The following FGF10 variants were observed in gnomAD, a reference collection of about 807,000 sequenced individuals.
FGF10 encodes fibroblast growth factor 10.
In FGF10, 2 loss-of-function variants were observed where a neutral mutation model predicts 19.8. The observed-to-expected ratio is 0.10, with a 90% CI of 0.04 to 0.32. The LOEUF (loss-of-function observed/expected upper bound fraction) is 0.32, where lower values mean the gene tolerates loss of function less well. Ranked by LOEUF, FGF10 falls within the 10% of genes least tolerant of loss-of-function variation. FGF10 has a pLI of 1.00. For missense variants in FGF10, 191 were observed against 246.3 expected (o/e 0.78, Z 1.50); for synonymous variants, 112 against 94.0 (o/e 1.19, Z -1.10).
chr5:44,322,365 T>C (rs1301304211), intron 1 of FGF10, among the ~76,000 whole-genome samples: 1 of 152,184 alleles, frequency 6.6e-6, no homozygotes, highest in Non-Finnish European at 1.5e-5. Context: ...ATTTCTGATA[T>C]GTTTTAAACA....
intron 1 of FGF10, among the ~76,000 whole-genome samples, chr5:44,375,785 G>A (rs1301803427): frequency 6.6e-6 from 1 of 152,056 alleles, no homozygotes; most frequent in Non-Finnish European, 1.5e-5. Context: ...TACTGGGACT[G>A]TCCCAGGCAA....
At chr5:44,357,862 T>C (rs1418712799) in intron 1 of FGF10, among the ~76,000 whole-genome samples, 2 of 151,466 alleles carry the variant, frequency 1.3e-5, no homozygotes. Context: ...CCTAGTCTTT[T>C]CTGCCATGAA....
In FGF10 at chr5:44,376,505, AAAAAAAAAAAAAC is replaced by A. The variant is rs1561219472; in HGVS notation, c.325+11840_325+11852del. On this transcript the variant is annotated intron_variant, in intron 1 of 2. Coordinates refer to ENST00000264664, the MANE Select transcript of FGF10 (RefSeq NM_004465.2). ...ATACAAATGCCAAAAAAAAAAAAAA[AAAAAAAAAAAAAC>A]AAAAAACCCACAACTAGAGCAAGAA... 9.7e-5 allele frequency among the ~76,000 whole-genome samples: 14 copies of A among 145,004 alleles called. No individual in the cohort carries two copies. The South Asian group carries it at 1.3e-3, about 14-fold the overall frequency.
chr5:44,363,977 A>G (rs1741548447), intron 1 of FGF10, among the ~76,000 whole-genome samples: 1 of 151,840 alleles, frequency 6.6e-6, no homozygotes, highest in Non-Finnish European at 1.5e-5. Flanking sequence ...ATTGCATTGT[A>G]GAATTCACTA....
At chr5:44,341,827 T>A (rs1371080589) in intron 1 of FGF10, among the ~76,000 whole-genome samples, 1 of 151,972 alleles carries the variant, frequency 6.6e-6, no homozygotes, top group African/African-American at 2.4e-5. Flanking sequence ...CTTATACTCT[T>A]TTGATTGATA....
intron 1 of FGF10, among the ~76,000 whole-genome samples, chr5:44,323,447 A>G (rs972975854): frequency 6.6e-6 from 1 of 152,204 alleles, no homozygotes; most frequent in Admixed American, 6.5e-5. Flanking sequence ...TAACATGGGA[A>G]AAGCAACACT....
At chr5:44,352,783 T>C (rs372780311) in intron 1 of FGF10, among the ~76,000 whole-genome samples, 1 of 151,636 alleles carries the variant, frequency 6.6e-6, no homozygotes, top group Non-Finnish European at 1.5e-5. Flanking sequence ...TGTGACTCTT[T>C]TTCCTCATCA....
chr5:44,319,114 A>G (rs1312740116), intron 1 of FGF10, among the ~76,000 whole-genome samples: 1 of 152,166 alleles, frequency 6.6e-6, no homozygotes, highest in Non-Finnish European at 1.5e-5. Flanking sequence ...TCCTGCTAAC[A>G]TTTACAAACA....
chr5:44,342,776 A>G (rs1740998595), intron 1 of FGF10, among the ~76,000 whole-genome samples: 1 of 151,998 alleles, frequency 6.6e-6, no homozygotes, highest in Non-Finnish European at 1.5e-5. Context: ...TGATGTCTCC[A>G]AATTTGGGGA....
chr5:44,358,763 T>A (rs991262943), intron 1 of FGF10, among the ~76,000 whole-genome samples: 2 of 151,518 alleles, frequency 1.3e-5, no homozygotes, highest in African/African-American at 4.8e-5. Context: ...GCCAGACATG[T>A]AGACAGTAAG....
chr5:44,322,204 C>T (rs1343797876), intron 1 of FGF10, among the ~76,000 whole-genome samples: 2 of 152,136 alleles, frequency 1.3e-5, no homozygotes, highest in African/African-American at 4.8e-5. Context: ...CAGAATGGGT[C>T]CCAAAACTTG....
chr5:44,340,189 G>A (rs1322043168), intron 1 of FGF10, among the ~76,000 whole-genome samples: 1 of 152,112 alleles, frequency 6.6e-6, no homozygotes, highest in Non-Finnish European at 1.5e-5. Flanking sequence ...GACTGAAATA[G>A]CAGTGGAGGG....
intron 1 of FGF10, among the ~76,000 whole-genome samples, chr5:44,314,124 T>G (rs964467609): frequency 3.3e-5 from 5 of 152,082 alleles, no homozygotes; most frequent in Admixed American, 6.6e-5. Flanking sequence ...AGGGGAAGGC[T>G]GGGAAGGGTG....
intron 1 of FGF10, among the ~76,000 whole-genome samples, chr5:44,328,535 AT>A (rs1361256248): frequency 6.6e-6 from 1 of 152,128 alleles, no homozygotes; most frequent in African/African-American, 2.4e-5. Context: ...ATGCAGGAGG[AT>A]TGCTTGAGCC....
intron 2 of FGF10, among the ~76,000 whole-genome samples, chr5:44,308,049 C>T (rs1026871362): frequency 3.3e-5 from 5 of 152,166 alleles, no homozygotes; most frequent in Non-Finnish European, 7.3e-5. Context: ...TCCAAGGTCA[C>T]AATCTATTGG....
At chr5:44,330,886 A>G (rs1740720305) in intron 1 of FGF10, among the ~76,000 whole-genome samples, 1 of 152,154 alleles carries the variant, frequency 6.6e-6, no homozygotes, top group African/African-American at 2.4e-5. Context: ...TTTTTGTGAG[A>G]TTATTGACTG....
chr5:44,340,429 C>T, intron 1 of FGF10, among the ~76,000 whole-genome samples: 2 of 151,880 alleles, frequency 1.3e-5, no homozygotes, highest in African/African-American at 4.8e-5. Context: ...CAGCACCAAC[C>T]TAATAGAAAA....
intron 1 of FGF10, among the ~76,000 whole-genome samples, chr5:44,383,119 A>G (rs1293154119): frequency 6.7e-6 from 1 of 148,182 alleles, no homozygotes; most frequent in Non-Finnish European, 1.5e-5. Context: ...TGGGAGGAAC[A>G]TTAGTTCCAT....
intron 1 of FGF10, among the ~76,000 whole-genome samples, chr5:44,328,964 T>C (rs903625326): frequency 1.3e-5 from 2 of 152,026 alleles, no homozygotes; most frequent in African/African-American, 4.8e-5. Flanking sequence ...ACCATTACAA[T>C]CCAGCCTAGG....
Sources: allele counts gnomAD v4.1 joint callset (sites outside exome capture counted in the v4.1 genomes callset), GRCh38; gene constraint gnomAD v4.1.1; transcripts MANE v1.5; gene names NCBI Gene and HGNC (gene_info 2026-07-23, HGNC 2026-07-21).